BTNL8: variants seen among roughly 807,000 people sequenced by gnomAD.
The protein encoded by BTNL8 is butyrophilin like 8.
BTNL8 carries 22 observed loss-of-function variants against 36.1 expected under a neutral mutation model. The ratio of observed to expected loss-of-function variants is 0.61; its 90% CI spans 0.44 to 0.87. BTNL8 has a LOEUF of 0.87. BTNL8 is among the 40% of genes least tolerant of loss of function. The probability of loss-of-function intolerance (pLI) is 0.00; values close to 1 mark genes in which losing one functional copy is unlikely to be tolerated. For synonymous variants in BTNL8, 203 were observed against 235.6 expected, an observed-to-expected ratio of 0.86 and a Z score of 1.27; for missense variants, 526 against 616.9, an observed-to-expected ratio of 0.85 and a Z score of 1.56.
chr5:180,921,459 T>G (rs4701008), intron 3 of BTNL8, among the ~76,000 whole-genome samples: 68,187 of 151,724 alleles, frequency 0.45, 16,409 homozygotes, highest in African/African-American at 0.63. Context: ...AGTCATAGAA[T>G]CATAGAGCAT....
At chr5:180,912,818 A>C (rs1757464136) in intron 3 of BTNL8, among the ~76,000 whole-genome samples, 1 of 151,842 alleles carries the variant, frequency 6.6e-6, no homozygotes, top group African/African-American at 2.4e-5. Flanking sequence ...GATATTTTCA[A>C]ACATGTGTGT....
At chr5:180,936,008 A>G (rs1343445569) in intron 3 of BTNL8, among the ~76,000 whole-genome samples, 1 of 151,884 alleles carries the variant, frequency 6.6e-6, no homozygotes, top group Non-Finnish European at 1.5e-5. Context: ...TTCTGGGTTC[A>G]AGTGATTCTC....
chr5:180,908,698 G>C lies in BTNL8; in HGVS notation c.162G>C (p.Arg54=). The part of the protein sequence containing the change: ...PKTNAEAMEV[R]FFRGQFSSVV... ...CCAATGCAGAGGCCATGGAAGTGCG[G>C]TTCTTCAGGGGCCAGTTCTCTAGCG... Residue 54 remains arginine (R), a synonymous_variant, in exon 2 of 8, where the codon CGG becomes CGC. Transcript: ENST00000340184. 1 of 1,614,204 alleles carries C rather than the reference G, an allele frequency of 6.2e-7. No homozygotes were observed. The highest frequency in any genetic ancestry group is 8.5e-7 in the Non-Finnish European group (1 of 1,180,034).
Position 180,948,372 on chromosome 5 carries a change from C to T in BTNL8, c.805C>T (p.Leu269=), listed in dbSNP as rs753067735. 2.7e-6 allele frequency: 4 copies of T among 1,466,420 alleles called. No individual in the cohort carries two copies. Among genetic ancestry groups the T allele is most frequent in the Non-Finnish European group, 3.8e-6 (4 of 1,060,650 alleles). 90.8% of individuals were successfully genotyped at this position (1,466,420 alleles called of 1,614,324 possible). A position where few individuals can be genotyped will look rare whatever the true frequency, so the allele number is the denominator to read the frequency against. ...TGTTTCAGGGAAAATCCAGGCGGAA[C>T]TGGGTAAGTATGTGTCATGTCCTGA... is the stretch of plus-strand genomic sequence containing the variant. ...SKFQWKIQAE[L]DWRRKHGQAE... The change falls in exon 5 of 8, where the codon CTG becomes TTG. Residue 269 remains leucine, a synonymous_variant. Transcript: ENST00000340184.
At chr5:180,906,008 G>A (rs62406670) in intron 1 of BTNL8, among the ~76,000 whole-genome samples, 34,259 of 134,044 alleles carry the variant, frequency 0.26, 4,960 homozygotes, top group Admixed American at 0.28. Flanking sequence ...GTTGATTTGC[G>A]GTGGAGAGTT....
chr5:180,899,506 G>A, intron 1 of BTNL8, 147 bp downstream of exon 1: 1 of 913,370 alleles, frequency 1.1e-6, no homozygotes, highest in Non-Finnish European at 1.7e-6. Flanking sequence ...ATCAGGCGCT[G>A]TGGAAACAAT....
chr5:180,933,314 T>C (rs1047305710), intron 3 of BTNL8, among the ~76,000 whole-genome samples: 5 of 152,192 alleles, frequency 3.3e-5, no homozygotes, highest in Admixed American at 2.6e-4. Flanking sequence ...ATGGACTTAA[T>C]AGCCATATAC....
intron 3 of BTNL8, among the ~76,000 whole-genome samples, chr5:180,926,493 G>C (rs560692931): frequency 6.6e-6 from 1 of 152,262 alleles, no homozygotes; most frequent in South Asian, 2.1e-4. Context: ...CCCCTGGAAA[G>C]GGGGCTGAAG....
At chr5:180,945,139 T>C (rs1418187575) in intron 3 of BTNL8, among the ~76,000 whole-genome samples, 1 of 152,142 alleles carries the variant, frequency 6.6e-6, no homozygotes, top group Non-Finnish European at 1.5e-5. Context: ...TGGAACAGGA[T>C]GGAAAGTTTG....
chr5:180,936,186 G>C (rs1758647194), intron 3 of BTNL8, among the ~76,000 whole-genome samples: 1 of 152,050 alleles, frequency 6.6e-6, no homozygotes, highest in Non-Finnish European at 1.5e-5. Context: ...TGGGGTTACA[G>C]GCGTGAGCCA....
intron 1 of BTNL8, among the ~76,000 whole-genome samples, chr5:180,902,090 G>A (rs182916653): frequency 1.7e-4 from 26 of 152,214 alleles, no homozygotes; most frequent in South Asian, 2.1e-4. Flanking sequence ...ACGAATTGCC[G>A]CAAACTGGAG....
intron 1 of BTNL8, chr5:180,902,303 C>A: frequency 6.6e-7 from 1 of 1,511,134 alleles, no homozygotes; most frequent in South Asian, 1.2e-5. Context: ...ACATGGTTTT[C>A]TCATCTTAAA....
At position 180,899,331 on chromosome 5, in the gene BTNL8, G is replaced by C. The variant is rs369052284; in HGVS notation, c.21G>C (p.Leu7Phe). 7 of 1,614,064 alleles carry C rather than the reference G, an allele frequency of 4.3e-6. No homozygotes were observed. Among genetic ancestry groups the C allele is most frequent in the African/African-American group, 2.7e-5 (2 of 74,924 alleles). The stretch of plus-strand genomic sequence containing the variant: ...CATCCATGGCTCTCATGCTCAGTTT[G>C]GTTCTGAGTCTCCTCAAGCTGGGAT... Reference protein sequence around the residue: MALMLSLVLSLLKLGSG... With the variant: MALMLSFVLSLLKLGSG... Residue 7 changes from leucine to phenylalanine, a missense_variant, in exon 1 of 8, where the codon TTG (leucine) becomes TTC (phenylalanine). Transcript: ENST00000340184.
chr5:180,927,096 C>T (rs1308772364), intron 3 of BTNL8, among the ~76,000 whole-genome samples: 1 of 152,096 alleles, frequency 6.6e-6, no homozygotes, highest in Non-Finnish European at 1.5e-5. Flanking sequence ...ATGGTGGATG[C>T]CCCCCTGGGA....
intron 3 of BTNL8, among the ~76,000 whole-genome samples, chr5:180,920,803 G>T (rs967942032): frequency 6.6e-6 from 1 of 151,936 alleles, no homozygotes; most frequent in South Asian, 2.1e-4. Flanking sequence ...TTCCCCAAAA[G>T]ACATATAAAT....
chr5:180,925,374 C>T (rs1350151531), intron 3 of BTNL8, among the ~76,000 whole-genome samples: 1 of 152,156 alleles, frequency 6.6e-6, no homozygotes, highest in Non-Finnish European at 1.5e-5. Context: ...ATCAAAAAAT[C>T]AGAGACAAAG....
Position 180,908,598 on chromosome 5 carries a change from T to C in BTNL8, c.62T>C (p.Val21Ala), listed in dbSNP as rs201214790. The change falls in exon 2 of 8, where the codon GTG becomes GCG. Residue 21 changes from valine to alanine, a missense_variant. Transcript: ENST00000340184. ...LLKLGSGQWQ[V>A]FGPDKPVQAL... Reference sequence around the variant, plus strand: ...TGTCTTCCCACAGGGCAGTGGCAGGTGTTTGGGCCAGACAAGCCTGTCCAG... The same window carrying C: ...TGTCTTCCCACAGGGCAGTGGCAGGCGTTTGGGCCAGACAAGCCTGTCCAG... 11 of 1,611,390 alleles carry C rather than the reference T, an allele frequency of 6.8e-6. No individual in the cohort carries two copies. The highest frequency in any genetic ancestry group is 1.7e-4 in the Middle Eastern group (1 of 6,050).
Position 180,947,642 on chromosome 5 carries a change from A to G in BTNL8, c.787+17A>G, listed in dbSNP as rs750203638. 7 of 1,614,218 alleles carry G rather than the reference A, an allele frequency of 4.3e-6. No individual in the cohort carries two copies. In the East Asian group the frequency reaches 1.6e-4, roughly 36 times the overall value. ...AATTCCAGTGTAAGCGAGAGAGAGA[A>G]GCATGGGCCGGTGCCTTATTCATGG... On this transcript the variant is annotated intron_variant, in intron 4 of 7. Transcript: ENST00000340184.
chr5:180,950,870 T>C lies in BTNL8; in HGVS notation c.*326T>C. ...TAGATCTTATTGATGACAGAGTGTA[T>C]CCTAATGGTTTGTTCATTATATTAC... On this transcript the variant is annotated 3_prime_UTR_variant, in exon 8 of 8. Coordinates refer to ENST00000340184, the MANE Select transcript of BTNL8 (RefSeq NM_001040462.3). 3.0e-6 allele frequency: 1 copy of C among 330,766 alleles called. No homozygotes were observed. Among genetic ancestry groups the C allele is most frequent in the South Asian group, 2.9e-5 (1 of 34,740 alleles). The allele number at this position is 330,766 out of a possible 1,614,324, so 20.5% of individuals were successfully genotyped here.
Sources: allele counts gnomAD v4.1 joint callset (sites outside exome capture counted in the v4.1 genomes callset), GRCh38; gene constraint gnomAD v4.1.1; transcripts MANE v1.5; gene names NCBI Gene and HGNC (gene_info 2026-07-23, HGNC 2026-07-21).